The following SYK variants were observed in gnomAD, a reference collection of about 807,000 sequenced individuals.
SYK encodes the protein tyrosine-protein kinase SYK.
SYK carries 16 observed loss-of-function variants against 77.8 expected under a neutral mutation model. The ratio of observed to expected loss-of-function variants is 0.21; its 90% CI spans 0.14 to 0.31. The LOEUF (loss-of-function observed/expected upper bound fraction) is 0.31, where lower values mean the gene tolerates loss of function less well. Among genes scored for constraint, SYK ranks in the 10% least tolerant of loss-of-function variants. SYK has a pLI of 1.00. For synonymous variants in SYK, 312 were observed against 308.7 expected, an observed-to-expected ratio of 1.01 and a Z score of -0.11; for missense variants, 529 against 814.4, an observed-to-expected ratio of 0.65 and a Z score of 4.26.
intron 1 of SYK, among the ~76,000 whole-genome samples, chr9:90,839,474 G>T (rs1388922403): frequency 6.6e-6 from 1 of 152,110 alleles, no homozygotes; most frequent in African/African-American, 2.4e-5. Context: ...CCTGGAGGTT[G>T]CTCCGGGTCT....
At chr9:90,832,059 G>T (rs1185393537) in intron 1 of SYK, among the ~76,000 whole-genome samples, 1 of 152,136 alleles carries the variant, frequency 6.6e-6, no homozygotes, top group Non-Finnish European at 1.5e-5. Context: ...TCTTTAAATA[G>T]AAATACACAT....
At position 90,886,258 on chromosome 9, in the gene SYK, GAT is replaced by G. The variant is rs1273318745; in HGVS notation, c.1582-1489_1582-1488del. Among the ~76,000 whole-genome samples the G allele has an allele frequency of 2.0e-5, 3 of 152,100 alleles. No individual in the cohort carries two copies. In the East Asian group the frequency reaches 5.8e-4, roughly 29 times the overall value. ...GAAATGCAAATTACAAACACAATGA[GAT>G]ACCATCTTACCCCGGCTAGAATGGC... On this transcript the variant is annotated intron_variant, in intron 11 of 13. Transcript: ENST00000375754.
chr9:90,840,886 C>T (rs975853011), intron 1 of SYK, among the ~76,000 whole-genome samples: 3 of 152,194 alleles, frequency 2.0e-5, no homozygotes, highest in Non-Finnish European at 1.5e-5. Context: ...GGATAGACAC[C>T]GTCTGGGGAA....
chr9:90,867,091 T>C, intron 6 of SYK, 40 bp from the exon 7 acceptor site: 1 of 1,610,962 alleles, frequency 6.2e-7, no homozygotes, highest in East Asian at 2.2e-5. Context: ...ATTTGTTTTC[T>C]GAAACATTTA....
chr9:90,864,508 A>C (rs1335359995), intron 4 of SYK, 81 bp from the exon 5 acceptor site: 1 of 1,249,150 alleles, frequency 8.0e-7, no homozygotes, highest in South Asian at 1.2e-5. Flanking sequence ...AAAGCCCAAC[A>C]GTCAGTCAGT....
chr9:90,833,831 G>A (rs1314331715), intron 1 of SYK, among the ~76,000 whole-genome samples: 1 of 152,214 alleles, frequency 6.6e-6, no homozygotes, highest in Non-Finnish European at 1.5e-5. Context: ...CTAGTTGGAA[G>A]AGAAGATTGA....
At chr9:90,846,062 G>A (rs536340316) in intron 3 of SYK, among the ~76,000 whole-genome samples, 1 of 152,350 alleles carries the variant, frequency 6.6e-6, no homozygotes, top group South Asian at 2.1e-4. Context: ...TGAGTGGTGA[G>A]TGCAGGTTTG....
chr9:90,811,603 A>G (rs1825072818), intron 1 of SYK, among the ~76,000 whole-genome samples: 1 of 152,188 alleles, frequency 6.6e-6, no homozygotes, highest in African/African-American at 2.4e-5. Flanking sequence ...AAGATGTAAC[A>G]TATCATTGTA....
In SYK at chr9:90,898,504, T is replaced by G; in HGVS notation, c.*2904T>G. The G allele has an allele frequency of 4.7e-6, 1 of 212,870 alleles. No homozygotes were observed. Among genetic ancestry groups the G allele is most frequent in the Non-Finnish European group, 9.5e-6 (1 of 105,214 alleles). The allele number at this position is 212,870 out of a possible 1,614,324, so 13.2% of individuals were successfully genotyped here. On this transcript the variant is annotated 3_prime_UTR_variant, in exon 14 of 14. Coordinates refer to ENST00000375754, the MANE Select transcript of SYK (RefSeq NM_003177.7). Reference sequence around the variant, plus strand: ...TTTCAGAAGAGCTACATTGTGTCACTGGACATTTTTAAAAACTGTGATTTT... The same window carrying G: ...TTTCAGAAGAGCTACATTGTGTCACGGGACATTTTTAAAAACTGTGATTTT...
At chr9:90,855,550 A>G (rs910846517) in intron 3 of SYK, among the ~76,000 whole-genome samples, 3 of 152,162 alleles carry the variant, frequency 2.0e-5, no homozygotes, top group Non-Finnish European at 2.9e-5. Flanking sequence ...AGCTGCATAA[A>G]AAAATGGGGT....
In SYK at chr9:90,874,529, C is replaced by T. The variant is rs1054889678; in HGVS notation, c.1004-143C>T. On this transcript the variant is annotated intron_variant, in intron 8 of 13. Transcript: ENST00000375754. ...CCTCACCCAACGACGTTGGAAATGT[C>T]CCTGCCACTCTTCAGAATTTCTCAT... is the stretch of plus-strand genomic sequence containing the variant. 8 of 1,124,824 alleles carry T rather than the reference C, an allele frequency of 7.1e-6. No homozygotes were observed. The African/African-American group carries it at 7.8e-5, about 11-fold the overall frequency. 69.7% of individuals were successfully genotyped at this position (1,124,824 alleles called of 1,614,324 possible). A position where few individuals can be genotyped will look rare whatever the true frequency, so the allele number is the denominator to read the frequency against.
Position 90,862,206 on chromosome 9 carries a change from G to A in SYK, c.579G>A (p.Leu193=), listed in dbSNP as rs779943640. 1 of 1,610,384 alleles carries A rather than the reference G, an allele frequency of 6.2e-7. No homozygotes were observed. The highest frequency in any genetic ancestry group is 1.1e-5 in the South Asian group (1 of 90,634). ...GATGCAGTTCCATCCTCTCTTCTAG[G>A]ATCCGAGCCAGAGACAACAACGGCT... ...LIGSKTNGKF[L]IRARDNNGSY... Residue 193 remains leucine (L), a splice_region_variant and synonymous_variant, in exon 4 of 14, where the codon CTG becomes CTA. Coordinates refer to ENST00000375754, the MANE Select transcript of SYK (RefSeq NM_003177.7).
intron 1 of SYK, among the ~76,000 whole-genome samples, chr9:90,823,677 C>T (rs290244): frequency 0.84 from 128,434 of 152,114 alleles, 54,419 homozygotes; most frequent in East Asian, 1. Context: ...TCTCCAAAAT[C>T]TAAAAAAATA....
Position 90,898,421 on chromosome 9 carries a change from T to C in SYK, c.*2821T>C. 4.4e-6 allele frequency: 1 copy of C among 226,096 alleles called. No homozygotes were observed. Among genetic ancestry groups the C allele is most frequent in the East Asian group, 6.4e-5 (1 of 15,706 alleles). 14.0% of individuals were successfully genotyped at this position (226,096 alleles called of 1,614,324 possible). A position where few individuals can be genotyped will look rare whatever the true frequency, so the allele number is the denominator to read the frequency against. On this transcript the variant is annotated 3_prime_UTR_variant, in exon 14 of 14. Coordinates refer to ENST00000375754, the MANE Select transcript of SYK (RefSeq NM_003177.7). ...GAGGCTACAGCTGCATTGTCAGGTC[T>C]CCCAGCCCTGCAGAGAGCTCCCTCC... is the stretch of plus-strand genomic sequence containing the variant.
intron 1 of SYK, among the ~76,000 whole-genome samples, chr9:90,821,942 T>C (rs1252262196): frequency 6.6e-6 from 1 of 152,002 alleles, no homozygotes; most frequent in East Asian, 1.9e-4. Flanking sequence ...GTGAGTCCAA[T>C]GGTAGTGCAT....
At chr9:90,829,177 T>C (rs1397845439) in intron 1 of SYK, among the ~76,000 whole-genome samples, 4 of 151,932 alleles carry the variant, frequency 2.6e-5, no homozygotes, top group Non-Finnish European at 2.9e-5. Flanking sequence ...TAGTCCCAGC[T>C]ACTCAGGAGG....
chr9:90,869,116 T>A (rs1389491276), intron 7 of SYK, among the ~76,000 whole-genome samples: 1 of 152,162 alleles, frequency 6.6e-6, no homozygotes, highest in Non-Finnish European at 1.5e-5. Context: ...GCCTCTGGAG[T>A]AAGAGATGGG....
intron 1 of SYK, among the ~76,000 whole-genome samples, chr9:90,835,439 C>G (rs750520025): frequency 2.0e-5 from 3 of 152,080 alleles, no homozygotes; most frequent in Admixed American, 2.0e-4. Context: ...ATTGTTTGGA[C>G]AAAATGAGTG....
intron 7 of SYK, 62 bp from the exon 8 acceptor site, chr9:90,874,142 C>G: frequency 1.6e-6 from 2 of 1,235,914 alleles, no homozygotes; most frequent in Non-Finnish European, 2.4e-6. Context: ...AATAATTATG[C>G]AGATCAACTT....
Sources: allele counts gnomAD v4.1 joint callset (sites outside exome capture counted in the v4.1 genomes callset), GRCh38; gene constraint gnomAD v4.1.1; transcripts MANE v1.5; gene names NCBI Gene and HGNC (gene_info 2026-07-23, HGNC 2026-07-21).